The following KEAP1 variants were observed in gnomAD, a reference collection of about 807,000 sequenced individuals.
KEAP1 encodes the protein kelch like ECH associated protein 1.
Under a neutral mutation model 59.7 loss-of-function variants are expected in KEAP1, and 26 were observed. That is an observed-to-expected ratio of 0.44 (90% CI 0.32 to 0.60). KEAP1 has a LOEUF of 0.60. KEAP1 is among the 20% of genes least tolerant of loss of function. The probability of loss-of-function intolerance (pLI) is 0.06; values close to 1 mark genes in which losing one functional copy is unlikely to be tolerated. For synonymous variants in KEAP1, 350 were observed against 358.3 expected (o/e 0.98, Z 0.26); for missense variants, 539 against 871.4 (o/e 0.62, Z 4.80).
intron 5 of KEAP1, 126 bp from the exon 6 acceptor site, chr19:10,486,944 C>T: frequency 1.0e-6 from 1 of 960,226 alleles, no homozygotes; most frequent in Non-Finnish European, 1.5e-6. Flanking sequence ...CGCCTATAAT[C>T]CTAGCACTTT....
intron 1 of KEAP1, among the ~76,000 whole-genome samples, chr19:10,501,379 C>T (rs1036688911): frequency 3.3e-5 from 5 of 151,824 alleles, no homozygotes; most frequent in African/African-American, 7.2e-5. Flanking sequence ...CCTGTAATCC[C>T]AGCACTTTGG....
At chr19:10,487,358 A>G (rs1001151960) in intron 5 of KEAP1, among the ~76,000 whole-genome samples, 1 of 151,978 alleles carries the variant, frequency 6.6e-6, no homozygotes, top group African/African-American at 2.4e-5. Context: ...AAATAAATAA[A>G]TAAAAATAGG....
At position 10,486,675 on chromosome 19, in the gene KEAP1, C is replaced by A. The variant is rs747218244; in HGVS notation, c.1852G>T (p.Asp618Tyr). The A allele has an allele frequency of 2.5e-6, 4 of 1,614,108 alleles. No homozygotes were observed. The highest frequency in any genetic ancestry group is 3.4e-6 in the Non-Finnish European group (4 of 1,180,018). The change falls in exon 6 of 6, where the codon GAC (aspartate) becomes TAC (tyrosine). Residue 618 changes from aspartate (D) to tyrosine (Y), a missense_variant. By Grantham distance (160) the Asp-to-Tyr change is radical (BLOSUM62 -3). Transcript: ENST00000171111. ...VTMEPCRKQI[D>Y]QQNCTC ...CCTCAACAGGTACAGTTCTGCTGGT[C>A]AATCTGCTTCCGGCAGGGCTCCATG...
rs565878128 is a variant in KEAP1, at chr19:10,489,760, A to T, written c.1419T>A (p.Tyr473Ter). The T allele has an allele frequency of 6.2e-7, 1 of 1,614,052 alleles. No individual in the cohort carries two copies. Among genetic ancestry groups the T allele is most frequent in the African/African-American group, 1.3e-5 (1 of 75,044 alleles). ...TTGTCCCGTCAAAGCCCCCCACGGC[A>T]TAAAGGAGACGATTGAGGACAGCCA... ...VGVAVLNRLLYAVGGFDGTNR... is the reference protein window; with the variant it reads ...VGVAVLNRLL The change falls in exon 4 of 6, where the codon TAT (tyrosine) becomes TAA (stop). Residue 473 changes from tyrosine to a stop codon, truncating the protein, a stop_gained. Transcript: ENST00000171111. LOFTEE classifies it high-confidence loss of function.
intron 4 of KEAP1, 136 bp downstream of exon 4, chr19:10,489,512 T>C (rs908631979): frequency 8.0e-7 from 1 of 1,255,664 alleles, no homozygotes; most frequent in Non-Finnish European, 1.1e-6. Context: ...GCTTGGACTC[T>C]ATCAGAATCC....
chr19:10,494,964 C>CTT (rs374012723), intron 2 of KEAP1, among the ~76,000 whole-genome samples: 1 of 142,802 alleles, frequency 7.0e-6, no homozygotes, highest in Admixed American at 7.0e-5. Flanking sequence ...TCTTTTGTTT[C>CTT]TTTTTTTTTT....
At chr19:10,500,119 G>C in intron 1 of KEAP1, 39 bp from the exon 2 acceptor site, 1 of 1,412,568 alleles carries the variant, frequency 7.1e-7, no homozygotes, top group Non-Finnish European at 9.4e-7. Context: ...GCAGGGGTTG[G>C]GACTGGGCCA....
In KEAP1 at chr19:10,486,212, A is replaced by C; in HGVS notation, c.*440T>G. Reference sequence around the variant, plus strand: ...AAAATAACTGTCCATCCGGTGGGGAAGTGCCATCCGGTGGCTTCTATGTAC... The same window carrying C: ...AAAATAACTGTCCATCCGGTGGGGACGTGCCATCCGGTGGCTTCTATGTAC... On this transcript the variant is annotated 3_prime_UTR_variant, in exon 6 of 6. Coordinates refer to ENST00000171111, the MANE Select transcript of KEAP1 (RefSeq NM_203500.2). The C allele has an allele frequency of 4.3e-6, 1 of 232,614 alleles. No individual in the cohort carries two copies. Among genetic ancestry groups the C allele is most frequent in the Non-Finnish European group, 8.5e-6 (1 of 117,860 alleles). 14.4% of individuals were successfully genotyped at this position (232,614 alleles called of 1,614,324 possible). A position where few individuals can be genotyped will look rare whatever the true frequency, so the allele number is the denominator to read the frequency against.
Position 10,499,656 on chromosome 19 carries a change from C to T in KEAP1, c.378G>A (p.Glu126=), listed in dbSNP as rs886596204. 2 of 1,613,984 alleles carry T rather than the reference C, an allele frequency of 1.2e-6. No individual in the cohort carries two copies. Among genetic ancestry groups the T allele is most frequent in the Non-Finnish European group, 8.5e-7 (1 of 1,180,046 alleles). ...GCTCCATGACCTTGGGGTGGATACCCTCAATGGACACCACCTCCATGCCCT... is the reference window on the plus strand; with the variant it reads ...GCTCCATGACCTTGGGGTGGATACCTTCAATGGACACCACCTCCATGCCCT... The part of the protein sequence containing the change: ...REQGMEVVSI[E]GIHPKVMERL... Residue 126 remains glutamate, a synonymous_variant, in exon 2 of 6, where the codon GAG becomes GAA. Transcript: ENST00000171111. This position sits in a 1 kb window ranked among gnomAD's most constrained non-coding sequence, Gnocchi z 6.7.
In KEAP1 at chr19:10,500,007, C is replaced by A. The variant is rs2144631486; in HGVS notation, c.27G>T (p.Gly9=). 3 of 1,565,060 alleles carry A rather than the reference C, an allele frequency of 1.9e-6. No individual in the cohort carries two copies. Among genetic ancestry groups the A allele is most frequent in the Non-Finnish European group, 2.6e-6 (3 of 1,151,734 alleles). The change falls in exon 2 of 6, where the codon GGG becomes GGT. Residue 9 remains glycine, a synonymous_variant. Transcript: ENST00000171111. ...GCAGGAATCGGCAGCAGGCCCCAGC[C>A]CCGCTAGGCCTGGGATCTGGCTGCA... MQPDPRPS[G]AGACCRFLPL...
chr19:10,486,554 T>C lies in KEAP1; in HGVS notation c.*98A>G, dbSNP rs1914467378. ...CTGGCCTCCCTTCCCGGAAGATGGG[T>C]TATTTGCAGTGCTGTCTTTTCTTTT... On this transcript the variant is annotated 3_prime_UTR_variant, in exon 6 of 6. Coordinates refer to ENST00000171111, the MANE Select transcript of KEAP1 (RefSeq NM_203500.2). The C allele has an allele frequency of 2.5e-6, 3 of 1,205,690 alleles. No individual in the cohort carries two copies. Among genetic ancestry groups the C allele is most frequent in the Non-Finnish European group, 3.6e-6 (3 of 841,988 alleles). 74.7% of individuals were successfully genotyped at this position (1,205,690 alleles called of 1,614,324 possible).
intron 1 of KEAP1, among the ~76,000 whole-genome samples, chr19:10,500,655 C>A (rs1186570019): frequency 6.7e-6 from 1 of 150,172 alleles, no homozygotes; most frequent in Non-Finnish European, 1.5e-5. Flanking sequence ...ATTGTGACAA[C>A]GTGAGAATCG....
chr19:10,488,747 A>G (rs1319821251), intron 5 of KEAP1, among the ~76,000 whole-genome samples: 2 of 152,122 alleles, frequency 1.3e-5, no homozygotes, highest in Non-Finnish European at 2.9e-5. Context: ...CCTGGCCAAC[A>G]TGGTGAAACC....
Position 10,499,528 on chromosome 19 carries a change from C to T in KEAP1, c.506G>A (p.Arg169His), listed in dbSNP as rs751145226. ...CTGCACCAGGAAGTCACTGCAGGCA[C>T]GGACAACGCTGTCGATCTGGTACAT... is the stretch of plus-strand genomic sequence containing the variant. ...AVMYQIDSVV[R>H]ACSDFLVQQL... is the part of the protein sequence containing the mutation. The change falls in exon 2 of 6, where the codon CGT becomes CAT. Residue 169 changes from arginine to histidine, a missense_variant. By Grantham distance (29) the Arg-to-His change is conservative. Coordinates refer to ENST00000171111, the MANE Select transcript of KEAP1 (RefSeq NM_203500.2). This position sits in a 1 kb window ranked among gnomAD's most constrained non-coding sequence, Gnocchi z 6.7. The T allele has an allele frequency of 3.0e-5, 48 of 1,614,062 alleles. No homozygotes were observed. The highest frequency in any genetic ancestry group is 1.6e-4 in the Middle Eastern group (1 of 6,084).
At chr19:10,490,741 A>G (rs1215044128) in intron 3 of KEAP1, 2 of 152,142 alleles carry the variant, frequency 1.3e-5, no homozygotes, top group East Asian at 1.9e-4. Context: ...TTCTCCAAGG[A>G]TTGAGGTATC....
chr19:10,489,132 G>T (rs1914578925), intron 5 of KEAP1, 60 bp downstream of exon 5: 9 of 706,520 alleles, frequency 1.3e-5, no homozygotes, highest in Admixed American at 3.3e-5. Flanking sequence ...GAAAGCAAAA[G>T]CAAAAGCAGT....
At chr19:10,495,595 G>A (rs981208500) in intron 2 of KEAP1, among the ~76,000 whole-genome samples, 1 of 152,212 alleles carries the variant, frequency 6.6e-6, no homozygotes, top group African/African-American at 2.4e-5. Flanking sequence ...TTACTGAGGA[G>A]GCTGAGGCAG....
chr19:10,496,909 A>G (rs1171190858), intron 2 of KEAP1, among the ~76,000 whole-genome samples: 1 of 152,006 alleles, frequency 6.6e-6, no homozygotes, highest in Non-Finnish European at 1.5e-5. Flanking sequence ...ACCTGAGCTC[A>G]GGGGTTCGAG....
At chr19:10,487,883 C>T (rs1239131031) in intron 5 of KEAP1, among the ~76,000 whole-genome samples, 1 of 151,894 alleles carries the variant, frequency 6.6e-6, no homozygotes, top group African/African-American at 2.4e-5. Context: ...AATCCCATCC[C>T]TCTGGGAGGC....
Sources: gnomAD v4.1 joint callset for allele counts (sites outside exome capture counted in the v4.1 genomes callset) on GRCh38, gnomAD v4.1.1 for gene constraint, Gnocchi (gnomAD v3.1) non-coding constraint, MANE v1.5 for transcripts, NCBI Gene and HGNC (gene_info 2026-07-23, HGNC 2026-07-21) for gene names.